LDAH: variants seen among roughly 807,000 people sequenced by gnomAD.
The protein encoded by LDAH is lipid droplet associated hydrolase, also known as lipid droplet-associated hydrolase.
In LDAH, 26 loss-of-function variants were observed where a neutral mutation model predicts 29.6. That is an observed-to-expected ratio of 0.88 (90% CI 0.64 to 1.22). The LOEUF (loss-of-function observed/expected upper bound fraction) is 1.22, where lower values mean the gene tolerates loss of function less well. Among genes scored for constraint, LDAH ranks in the 50% most tolerant of loss-of-function variants. The probability of loss-of-function intolerance (pLI) is 0.00; values close to 1 mark genes in which losing one functional copy is unlikely to be tolerated. For synonymous variants in LDAH, 117 were observed against 133.0 expected, an observed-to-expected ratio of 0.88 and a Z score of 0.83; for missense variants, 344 against 387.3, an observed-to-expected ratio of 0.89 and a Z score of 0.94.
At position 20,685,205 on chromosome 2, in the gene LDAH, A is replaced by G; in HGVS notation, c.*1698T>C. On this transcript the variant is annotated 3_prime_UTR_variant, in exon 7 of 7. Transcript: ENST00000237822. ...TTTTGAAATATGGAGTAACATTTAA[A>G]ATAACAGATAAAAGAAAAGCTCTGA... 1 of 473,262 alleles carries G rather than the reference A, an allele frequency of 2.1e-6. No individual in the cohort carries two copies. The highest frequency in any genetic ancestry group is 3.4e-5 in the East Asian group (1 of 29,604). The allele number at this position is 473,262 out of a possible 1,614,324, so 29.3% of individuals were successfully genotyped here. A position where few individuals can be genotyped will look rare whatever the true frequency, so the allele number is the denominator to read the frequency against.
At chr2:20,810,400 G>A (rs996416003) in intron 1 of LDAH, among the ~76,000 whole-genome samples, 1 of 152,124 alleles carries the variant, frequency 6.6e-6, no homozygotes, top group Non-Finnish European at 1.5e-5. Flanking sequence ...ACCCTCAAAA[G>A]TCACATAGCA....
chr2:20,731,193 T>C (rs915008100), intron 5 of LDAH, among the ~76,000 whole-genome samples: 3 of 152,234 alleles, frequency 2.0e-5, no homozygotes, highest in Admixed American at 6.5e-5. Flanking sequence ...ATGTCCTCAA[T>C]GTAATCCCCA....
intron 5 of LDAH, among the ~76,000 whole-genome samples, chr2:20,732,967 T>G (rs1387898034): frequency 6.6e-6 from 1 of 152,096 alleles, no homozygotes; most frequent in East Asian, 1.9e-4. Context: ...CCTTCCAAAG[T>G]GCTGGCATTC....
chr2:20,808,579 G>T (rs1572678942), intron 1 of LDAH, among the ~76,000 whole-genome samples: 1 of 151,412 alleles, frequency 6.6e-6, no homozygotes, highest in South Asian at 2.1e-4. Flanking sequence ...CAGGAGAATC[G>T]CTTGGGAGGC....
intron 6 of LDAH, among the ~76,000 whole-genome samples, chr2:20,693,866 G>A (rs1035319067): frequency 3.9e-5 from 6 of 152,264 alleles, no homozygotes; most frequent in African/African-American, 1.4e-4. Flanking sequence ...AGCTTACGCT[G>A]CATGGCAGGG....
intron 1 of LDAH, among the ~76,000 whole-genome samples, chr2:20,805,187 G>A (rs763995865): frequency 6.6e-6 from 1 of 152,070 alleles, no homozygotes; most frequent in Non-Finnish European, 1.5e-5. Context: ...CACAAAATTA[G>A]TGAGAATTCA....
chr2:20,764,614 C>A (rs554325207), intron 4 of LDAH, among the ~76,000 whole-genome samples: 3 of 152,322 alleles, frequency 2.0e-5, no homozygotes, highest in Admixed American at 1.3e-4. Context: ...CCAATGCATT[C>A]ACCTGCTTCC....
intron 5 of LDAH, among the ~76,000 whole-genome samples, chr2:20,718,275 T>C (rs780866642): frequency 5.3e-5 from 8 of 152,006 alleles, no homozygotes; most frequent in Non-Finnish European, 1.0e-4. Context: ...GAAACTTATC[T>C]CACCTATAAA....
chr2:20,756,039 C>CTT (rs997802314), intron 4 of LDAH, among the ~76,000 whole-genome samples: 20 of 148,508 alleles, frequency 1.3e-4, no homozygotes, highest in African/African-American at 4.9e-4. Context: ...TTCTTTTTTT[C>CTT]TTTTTTTTTT....
intron 6 of LDAH, among the ~76,000 whole-genome samples, chr2:20,694,169 T>C (rs1035813811): frequency 6.6e-6 from 1 of 151,970 alleles, no homozygotes; most frequent in Non-Finnish European, 1.5e-5. Flanking sequence ...GCCCCTACCC[T>C]GCCTTTATCT....
At chr2:20,738,016 G>T (rs1388818193) in intron 5 of LDAH, among the ~76,000 whole-genome samples, 1 of 152,008 alleles carries the variant, frequency 6.6e-6, no homozygotes, top group East Asian at 1.9e-4. Context: ...AACTTTGGGA[G>T]GCTGAGGCGG....
chr2:20,731,528 T>G (rs1305679178), intron 5 of LDAH, among the ~76,000 whole-genome samples: 1 of 152,198 alleles, frequency 6.6e-6, no homozygotes, highest in Non-Finnish European at 1.5e-5. Context: ...GAGAGTGCAT[T>G]AATACATGTT....
In LDAH at chr2:20,740,133, G is replaced by A. The variant is rs1667072911; in HGVS notation, c.541C>T (p.Pro181Ser). The stretch of plus-strand genomic sequence containing the variant: ...ACATATCGAAACCAGCACAAAAGTG[G>A]AGTGGCAATTCTGCCATTGGGTGAC... ...SESPNGRIAT[P>S]LLCWFRYVLY... The change falls in exon 5 of 7, where the codon CCA becomes TCA. Residue 181 changes from proline to serine, a missense_variant. Coordinates refer to ENST00000237822, the MANE Select transcript of LDAH (RefSeq NM_021925.4). 6.2e-6 allele frequency: 10 copies of A among 1,614,132 alleles called. No individual in the cohort carries two copies. Among genetic ancestry groups the A allele is most frequent in the East Asian group, 2.2e-5 (1 of 44,870 alleles).
chr2:20,713,905 G>T (rs1664963443), intron 5 of LDAH, among the ~76,000 whole-genome samples: 1 of 152,120 alleles, frequency 6.6e-6, no homozygotes, highest in South Asian at 2.1e-4. Context: ...CCTACAAAGA[G>T]ACTTAGACTC....
chr2:20,703,312 CTT>C (rs1470351237), intron 5 of LDAH, among the ~76,000 whole-genome samples: 1 of 152,202 alleles, frequency 6.6e-6, no homozygotes, highest in Non-Finnish European at 1.5e-5. Context: ...TCTCTGAACT[CTT>C]TTAGCTGTCC....
chr2:20,735,782 A>T (rs1353562103), intron 5 of LDAH, among the ~76,000 whole-genome samples: 1 of 152,122 alleles, frequency 6.6e-6, no homozygotes, highest in Non-Finnish European at 1.5e-5. Context: ...TTCTGTTGAC[A>T]CCCAAGGGAT....
chr2:20,711,535 T>C (rs575264429), intron 5 of LDAH, among the ~76,000 whole-genome samples: 1 of 152,156 alleles, frequency 6.6e-6, no homozygotes, highest in African/African-American at 2.4e-5. Context: ...TTGGGACTGG[T>C]TGGACAGTGG....
At chr2:20,736,168 G>A (rs1055925902) in intron 5 of LDAH, among the ~76,000 whole-genome samples, 1 of 152,180 alleles carries the variant, frequency 6.6e-6, no homozygotes, top group Non-Finnish European at 1.5e-5. Context: ...GAGGCCAGGT[G>A]CGGTGGCTCA....
In LDAH at chr2:20,698,458, G is replaced by A. The variant is rs1467686639; in HGVS notation, c.786+3112C>T. On this transcript the variant is annotated intron_variant, in intron 6 of 6. Coordinates refer to ENST00000237822, the MANE Select transcript of LDAH (RefSeq NM_021925.4). The surrounding 1 kb of genome is among the most constrained non-coding windows in gnomAD (Gnocchi z 4.4). ...TAATCCCAGCACCTTGGGAGGCCGAGGCCGGTAAATCACAAGGTCAGGAGT... is the reference window on the plus strand; with the variant it reads ...TAATCCCAGCACCTTGGGAGGCCGAAGCCGGTAAATCACAAGGTCAGGAGT... Among the ~76,000 whole-genome samples the A allele has an allele frequency of 1.3e-5, 2 of 152,194 alleles. No homozygotes were observed. Among genetic ancestry groups the A allele is most frequent in the Admixed American group, 1.3e-4 (2 of 15,278 alleles).
Sources: allele counts gnomAD v4.1 joint callset (sites outside exome capture counted in the v4.1 genomes callset), GRCh38; gene constraint gnomAD v4.1.1; non-coding constraint Gnocchi (gnomAD v3.1); transcripts MANE v1.5; gene names NCBI Gene and HGNC (gene_info 2026-07-23, HGNC 2026-07-21).